The following ADCY8 variants were observed in gnomAD, a reference collection of about 807,000 sequenced individuals.
ADCY8 encodes adenylate cyclase 8.
Under a neutral mutation model 119.7 loss-of-function variants are expected in ADCY8, and 51 were observed. That is an observed-to-expected ratio of 0.43 (90% CI 0.34 to 0.54). ADCY8 has a LOEUF of 0.54. Among genes scored for constraint, ADCY8 ranks in the 20% least tolerant of loss-of-function variants. The pLI is 0.03. For synonymous variants in ADCY8, 665 were observed against 651.0 expected, an observed-to-expected ratio of 1.02 and a Z score of -0.33; for missense variants, 1,383 against 1,598.8, an observed-to-expected ratio of 0.87 and a Z score of 2.30.
intron 14 of ADCY8, among the ~76,000 whole-genome samples, chr8:130,802,766 G>GT (rs753083032): frequency 6.6e-4 from 100 of 152,330 alleles, no homozygotes; most frequent in Non-Finnish European, 1.1e-3. Context: ...GCTAGATGGT[G>GT]TTTTTGTCTG....
At chr8:130,961,821 T>C (rs1245910750) in intron 2 of ADCY8, among the ~76,000 whole-genome samples, 1 of 152,136 alleles carries the variant, frequency 6.6e-6, no homozygotes, top group Non-Finnish European at 1.5e-5. Context: ...ATCCAGCTCA[T>C]GGATGCATTT....
intron 5 of ADCY8, among the ~76,000 whole-genome samples, chr8:130,922,044 G>A (rs975100991): frequency 6.6e-6 from 1 of 152,044 alleles, no homozygotes; most frequent in Non-Finnish European, 1.5e-5. Context: ...GAGAGGAAGA[G>A]GCTTGAGCCA....
At chr8:130,942,037 T>C (rs771439577) in intron 4 of ADCY8, among the ~76,000 whole-genome samples, 3 of 152,214 alleles carry the variant, frequency 2.0e-5, no homozygotes, top group Non-Finnish European at 4.4e-5. Flanking sequence ...ATCCCCCAAA[T>C]CACCCCACCC....
rs146071229 is a variant in ADCY8, at chr8:130,926,755, CT to C, written c.1481+10317del. On this transcript the variant is annotated intron_variant, in intron 5 of 17. Coordinates refer to ENST00000286355, the MANE Select transcript of ADCY8 (RefSeq NM_001115.3). Reference sequence around the variant, plus strand: ...CTCCTCAACCACACTCCAACCACCCCTAGACCCTGATAATCACCACCTCTAC... The same window carrying C: ...CTCCTCAACCACACTCCAACCACCCCAGACCCTGATAATCACCACCTCTAC... 4.0e-3 allele frequency among the ~76,000 whole-genome samples: 602 copies of C among 152,204 alleles called. 4 individuals are homozygous for C. Among genetic ancestry groups the C allele is most frequent in the African/African-American group, 0.014 (591 of 41,496 alleles).
At chr8:131,004,940 T>G (rs1157970344) in intron 1 of ADCY8, among the ~76,000 whole-genome samples, 2 of 152,092 alleles carry the variant, frequency 1.3e-5, no homozygotes, top group Non-Finnish European at 2.9e-5. Context: ...AGAATTTAAC[T>G]CCAAAACTCC....
chr8:130,869,585 T>G (rs1320904982), intron 8 of ADCY8, among the ~76,000 whole-genome samples: 2 of 150,554 alleles, frequency 1.3e-5, no homozygotes, highest in East Asian at 2.0e-4. Context: ...TGGTGTGATC[T>G]CGGTTCACTG....
At chr8:131,013,514 C>T (rs1044449302) in intron 1 of ADCY8, among the ~76,000 whole-genome samples, 3 of 151,992 alleles carry the variant, frequency 2.0e-5, no homozygotes, top group African/African-American at 7.2e-5. Context: ...ATCTCTGCCA[C>T]AAGACCCCCT....
At chr8:130,961,817 C>T (rs1448675643) in intron 2 of ADCY8, among the ~76,000 whole-genome samples, 2 of 152,210 alleles carry the variant, frequency 1.3e-5, no homozygotes, top group Non-Finnish European at 2.9e-5. Context: ...CTGTATCCAG[C>T]TCATGGATGC....
In ADCY8 at chr8:130,884,869, CATGCAGTTGT is replaced by C. The variant is rs533271420; in HGVS notation, c.1912-118_1912-109del. On this transcript the variant is annotated intron_variant, in intron 7 of 17. Coordinates refer to ENST00000286355, the MANE Select transcript of ADCY8 (RefSeq NM_001115.3). ...TGCATTGCAAACAGTAATAGCATTC[CATGCAGTTGT>C]ATTCAGTGAAACCTACAGAAGTTGA... The C allele has an allele frequency of 2.4e-4, 261 of 1,100,916 alleles. No homozygotes were observed. In the African/African-American group the frequency reaches 3.5e-3, roughly 15 times the overall value. The allele number at this position is 1,100,916 out of a possible 1,614,324, so 68.2% of individuals were successfully genotyped here.
chr8:130,968,861 A>G (rs2130700592), intron 2 of ADCY8, among the ~76,000 whole-genome samples: 1 of 152,364 alleles, frequency 6.6e-6, no homozygotes, highest in Middle Eastern at 3.4e-3. Flanking sequence ...CCCAGAAGAC[A>G]TTAGACACTG....
chr8:130,943,683 A>G (rs892229094), intron 3 of ADCY8, among the ~76,000 whole-genome samples: 10 of 152,186 alleles, frequency 6.6e-5, no homozygotes. Flanking sequence ...GGACAACAGG[A>G]AGCCCTTTTT....
intron 2 of ADCY8, among the ~76,000 whole-genome samples, chr8:130,985,345 G>C (rs549783457): frequency 1.3e-5 from 2 of 152,278 alleles, no homozygotes; most frequent in East Asian, 3.9e-4. Context: ...GTTACACCAG[G>C]TAGGGAAAAA....
At chr8:130,786,880 C>G (rs1815263577) in intron 15 of ADCY8, among the ~76,000 whole-genome samples, 1 of 151,882 alleles carries the variant, frequency 6.6e-6, no homozygotes, top group Non-Finnish European at 1.5e-5. Context: ...AGGGGTTTTT[C>G]TAGCAGTGAG....
intron 1 of ADCY8, among the ~76,000 whole-genome samples, chr8:131,024,492 T>C (rs113375717): frequency 0.017 from 2,597 of 152,284 alleles, 52 homozygotes; most frequent in African/African-American, 0.041. Flanking sequence ...TGTGCCAAAG[T>C]CGGGCTCCAG....
chr8:130,992,015 A>C (rs2130744046), intron 1 of ADCY8, among the ~76,000 whole-genome samples: 1 of 151,592 alleles, frequency 6.6e-6, no homozygotes, highest in African/African-American at 2.4e-5. Flanking sequence ...ATAGGCCAAT[A>C]GAATATAACC....
At chr8:130,990,849 T>C in intron 1 of ADCY8, 1 of 200,472 alleles carries the variant, frequency 5.0e-6, no homozygotes, top group Non-Finnish European at 1.0e-5. Context: ...CCACCTTATC[T>C]GTCTCCCCTT....
At chr8:130,783,649 G>T (rs780360754) in intron 17 of ADCY8, 42 bp downstream of exon 17, 2 of 1,472,006 alleles carry the variant, frequency 1.4e-6, no homozygotes. Context: ...TTGGAGCAAG[G>T]TCAGCTGGCT....
chr8:130,847,046 G>A (rs1477722885), intron 11 of ADCY8, among the ~76,000 whole-genome samples: 1 of 151,032 alleles, frequency 6.6e-6, no homozygotes. Flanking sequence ...AGATAACAGT[G>A]CATTCTGCTA....
intron 5 of ADCY8, among the ~76,000 whole-genome samples, chr8:130,933,919 A>G (rs1034370560): frequency 6.6e-6 from 1 of 152,166 alleles, no homozygotes; most frequent in Non-Finnish European, 1.5e-5. Flanking sequence ...TAAATCACAG[A>G]TTTTCAGAAC....
Sources: allele counts gnomAD v4.1 joint callset (sites outside exome capture counted in the v4.1 genomes callset), GRCh38; gene constraint gnomAD v4.1.1; transcripts MANE v1.5; gene names NCBI Gene and HGNC (gene_info 2026-07-23, HGNC 2026-07-21).